Variants in SNRK observed in about 807,000 individuals in gnomAD.
SNRK encodes SNF related kinase.
Under a neutral mutation model 48.2 loss-of-function variants are expected in SNRK, and 3 were observed. That is an observed-to-expected ratio of 0.06 (90% CI 0.03 to 0.16). SNRK has a LOEUF of 0.16. Ranked by LOEUF, SNRK falls within the 10% of genes least tolerant of loss-of-function variation. The probability of loss-of-function intolerance (pLI) is 1.00; values close to 1 mark genes in which losing one functional copy is unlikely to be tolerated. For missense variants in SNRK, 627 were observed against 976.0 expected, an observed-to-expected ratio of 0.64 and a Z score of 4.76; for synonymous variants, 376 against 366.1, an observed-to-expected ratio of 1.03 and a Z score of -0.31.
intron 1 of SNRK, among the ~76,000 whole-genome samples, chr3:43,288,276 A>C (rs1227079320): frequency 6.6e-6 from 1 of 152,068 alleles, no homozygotes; most frequent in Non-Finnish European, 1.5e-5. Flanking sequence ...TTAATTGTTC[A>C]TTTTGTGCAC....
intron 3 of SNRK, among the ~76,000 whole-genome samples, chr3:43,310,770 C>CT (rs2090973162): frequency 6.6e-6 from 1 of 152,142 alleles, no homozygotes; most frequent in African/African-American, 2.4e-5. Flanking sequence ...TGATGCAAGA[C>CT]TAATTTTCTT....
Position 43,325,313 on chromosome 3 carries a change from C to T in SNRK, c.590-6856C>T, listed in dbSNP as rs1289948518. ...CCTGAGTAGCTGGGATTATAGGTGC[C>T]CGCCACCGCGCCCGGCTAATTTTTT... On this transcript the variant is annotated intron_variant, in intron 3 of 6. Transcript: ENST00000296088. Among the ~76,000 whole-genome samples, 3 of 152,132 alleles carry T rather than the reference C, an allele frequency of 2.0e-5. No homozygotes were observed. The East Asian group carries it at 5.8e-4, about 29-fold the overall frequency.
chr3:43,339,818 A>C (rs867534174), intron 4 of SNRK, among the ~76,000 whole-genome samples: 1 of 66,722 alleles, frequency 1.5e-5, no homozygotes, highest in Non-Finnish European at 3.1e-5. Context: ...CCATTTCCAA[A>C]ATATATATAT....
chr3:43,326,712 G>A (rs1436997145), intron 3 of SNRK, among the ~76,000 whole-genome samples: 1 of 152,078 alleles, frequency 6.6e-6, no homozygotes, highest in Non-Finnish European at 1.5e-5. Flanking sequence ...TGTCTCCTAA[G>A]TTTAGACTGT....
chr3:43,318,847 A>G (rs539018228), intron 3 of SNRK, among the ~76,000 whole-genome samples: 2 of 152,068 alleles, frequency 1.3e-5, no homozygotes, highest in Non-Finnish European at 2.9e-5. Context: ...GGCCAAGCAG[A>G]TGAAACCCCA....
chr3:43,318,442 G>A (rs2091028802), intron 3 of SNRK, among the ~76,000 whole-genome samples: 1 of 151,996 alleles, frequency 6.6e-6, no homozygotes, highest in African/African-American at 2.4e-5. Context: ...ACTCAAAACA[G>A]TAGCTATTTT....
In SNRK at chr3:43,347,277, C is replaced by T; in HGVS notation, c.1080-62C>T. The T allele has an allele frequency of 6.8e-7, 1 of 1,474,216 alleles. No individual in the cohort carries two copies. The highest frequency in any genetic ancestry group is 9.1e-7 in the Non-Finnish European group (1 of 1,104,200). 91.3% of individuals were successfully genotyped at this position (1,474,216 alleles called of 1,614,324 possible). A position where few individuals can be genotyped will look rare whatever the true frequency, so the allele number is the denominator to read the frequency against. On this transcript the variant is annotated intron_variant, in intron 6 of 6. Coordinates refer to ENST00000296088, the MANE Select transcript of SNRK (RefSeq NM_017719.5). This position sits in a 1 kb window ranked among gnomAD's most constrained non-coding sequence, Gnocchi z 5.4. ...GTCCCAGTAAGTTCATTGTGATGTACTTTACTATCATCTGCATAATGATTA... is the reference window on the plus strand; with the variant it reads ...GTCCCAGTAAGTTCATTGTGATGTATTTTACTATCATCTGCATAATGATTA...
At chr3:43,337,551 C>T (rs2091201121) in intron 4 of SNRK, among the ~76,000 whole-genome samples, 1 of 151,944 alleles carries the variant, frequency 6.6e-6, no homozygotes. Context: ...TGCAAGCCAC[C>T]ACACCTGGCT....
intron 3 of SNRK, among the ~76,000 whole-genome samples, chr3:43,309,190 A>T (rs1183664978): frequency 6.6e-6 from 1 of 152,028 alleles, no homozygotes; most frequent in East Asian, 1.9e-4. Flanking sequence ...TAATTTTTTT[A>T]AATCCATGAA....
intron 4 of SNRK, 102 bp from the exon 5 acceptor site, chr3:43,340,185 T>C: frequency 1.1e-6 from 1 of 927,906 alleles, no homozygotes. Flanking sequence ...TGCACCTAAT[T>C]TAATTGATGG....
chr3:43,331,701 T>TA (rs2091147847), intron 3 of SNRK, among the ~76,000 whole-genome samples: 1 of 152,188 alleles, frequency 6.6e-6, no homozygotes, highest in Non-Finnish European at 1.5e-5. Context: ...TTCTTGCGTA[T>TA]AAAATGACAT....
chr3:43,294,960 T>G (rs1170743176), intron 1 of SNRK, among the ~76,000 whole-genome samples: 1 of 152,232 alleles, frequency 6.6e-6, no homozygotes, highest in Non-Finnish European at 1.5e-5. Context: ...GAGTAATTTC[T>G]ATACACCCAG....
chr3:43,302,842 A>G (rs1451268484), intron 2 of SNRK, among the ~76,000 whole-genome samples: 3 of 151,980 alleles, frequency 2.0e-5, no homozygotes, highest in East Asian at 3.8e-4. Context: ...TATTACTCAC[A>G]TCACCAAAAA....
intron 3 of SNRK, among the ~76,000 whole-genome samples, chr3:43,330,701 G>A (rs1358652650): frequency 1.3e-5 from 2 of 152,194 alleles, no homozygotes; most frequent in African/African-American, 2.4e-5. Flanking sequence ...AAATGACAGT[G>A]AATGGAGTGG....
At chr3:43,299,229 G>C (rs2090880264) in intron 1 of SNRK, among the ~76,000 whole-genome samples, 1 of 152,184 alleles carries the variant, frequency 6.6e-6, no homozygotes, top group African/African-American at 2.4e-5. Flanking sequence ...CCAGGTTGGA[G>C]TGCAATGGCG....
At chr3:43,288,707 A>G (rs775648589) in intron 1 of SNRK, among the ~76,000 whole-genome samples, 1 of 152,212 alleles carries the variant, frequency 6.6e-6, no homozygotes, top group Non-Finnish European at 1.5e-5. Flanking sequence ...ACACTGCCCA[A>G]GAAGAAAAGG....
At chr3:43,331,945 A>G (rs945712220) in intron 3 of SNRK, among the ~76,000 whole-genome samples, 3 of 152,220 alleles carry the variant, frequency 2.0e-5, no homozygotes, top group Non-Finnish European at 4.4e-5. Context: ...CTCTTCATCG[A>G]ACATTTATTG....
At chr3:43,321,487 C>G (rs1369133851) in intron 3 of SNRK, among the ~76,000 whole-genome samples, 1 of 152,144 alleles carries the variant, frequency 6.6e-6, no homozygotes, top group African/African-American at 2.4e-5. Context: ...GTCCTAAGTG[C>G]ATGTACAAAG....
intron 2 of SNRK, among the ~76,000 whole-genome samples, 181 bp downstream of exon 2, chr3:43,299,996 A>G (rs1223826791): frequency 6.6e-6 from 1 of 152,214 alleles, no homozygotes; most frequent in Non-Finnish European, 1.5e-5. Flanking sequence ...ACAGTAGACT[A>G]GTGTTTAAAA....
Sources: allele counts gnomAD v4.1 joint callset (sites outside exome capture counted in the v4.1 genomes callset), GRCh38; gene constraint gnomAD v4.1.1; non-coding constraint Gnocchi (gnomAD v3.1); transcripts MANE v1.5; gene names NCBI Gene and HGNC (gene_info 2026-07-23, HGNC 2026-07-21).